The following NKX2-1 variants were observed in gnomAD, a reference collection of about 807,000 sequenced individuals.
NKX2-1 encodes the protein NK2 homeobox 1.
A neutral mutation model predicts 35.1 loss-of-function variants in NKX2-1; 9 were observed. The observed-to-expected ratio is 0.26, with a 90% CI of 0.15 to 0.45. The LOEUF (loss-of-function observed/expected upper bound fraction) is 0.45, where lower values mean the gene tolerates loss of function less well. NKX2-1 is among the 20% of genes least tolerant of loss of function. The pLI is 1.00. For missense variants in NKX2-1, 509 were observed against 589.1 expected, an observed-to-expected ratio of 0.86 and a Z score of 1.41; for synonymous variants, 284 against 269.9, an observed-to-expected ratio of 1.05 and a Z score of -0.51.
Position 36,517,848 on chromosome 14 carries a change from T to C in NKX2-1, c.636A>G (p.Gln212=). 6.2e-7 allele frequency: 1 copy of C among 1,612,612 alleles called. No individual in the cohort carries two copies. The highest frequency in any genetic ancestry group is 8.5e-7 in the Non-Finnish European group (1 of 1,179,540). The change falls in exon 3 of 3, where the codon CAA becomes CAG. Residue 212 remains glutamine, a synonymous_variant. Transcript: ENST00000354822. ...QVYELERRFK[Q]QKYLSAPERE... is the part of the protein sequence containing the mutation. The stretch of plus-strand genomic sequence containing the variant: ...GCTCCGGCGCCGACAGGTACTTCTG[T>C]TGCTTGAAGCGTCGCTCCAGCTCGT...
At chr14:36,519,652 G>T (rs1881253702) in intron 1 of NKX2-1, 1 of 1,525,442 alleles carries the variant, frequency 6.6e-7, no homozygotes, top group African/African-American at 1.4e-5. Flanking sequence ...TCTTGCCCGA[G>T]ATAATTAGCT....
rs1463513343 is a variant in NKX2-1 at position 36,517,029 on chromosome 14, A to C, written c.*249T>G. The stretch of plus-strand genomic sequence containing the variant: ...CCCTTCTCTGCTTAAAGATTCCTTG[A>C]GATTGGATGCGCTTGGTTGTTTTTC... On this transcript the variant is annotated 3_prime_UTR_variant, in exon 3 of 3. Transcript: ENST00000354822. 1 of 691,786 alleles carries C rather than the reference A, an allele frequency of 1.4e-6. No homozygotes were observed. Among genetic ancestry groups the C allele is most frequent in the South Asian group, 2.0e-5 (1 of 49,446 alleles). 42.9% of individuals were successfully genotyped at this position (691,786 alleles called of 1,614,324 possible). A position where few individuals can be genotyped will look rare whatever the true frequency, so the allele number is the denominator to read the frequency against.
At position 36,517,263 on chromosome 14, in the gene NKX2-1, C is replaced by T. The variant is rs981342914; in HGVS notation, c.*15G>A. On this transcript the variant is annotated 3_prime_UTR_variant, in exon 3 of 3. Transcript: ENST00000354822. ...GTGAGGCAGAGCGCTGGGCTAGGGC[C>T]GGCCCGGCGTCCTCTCACCAGGTCC... 5 of 1,592,926 alleles carry T rather than the reference C, an allele frequency of 3.1e-6. No individual in the cohort carries two copies. The East Asian group carries it at 6.8e-5, about 22-fold the overall frequency.
Position 36,517,863 on chromosome 14 carries a change from C to T in NKX2-1, c.621G>A (p.Glu207=), listed in dbSNP as rs1438796223. ...LFSQAQVYEL[E]RRFKQQKYLS... Reference sequence around the variant, plus strand: ...GGTACTTCTGTTGCTTGAAGCGTCGCTCCAGCTCGTACACCTGCGCCTGCG... The same window carrying T: ...GGTACTTCTGTTGCTTGAAGCGTCGTTCCAGCTCGTACACCTGCGCCTGCG... Residue 207 remains glutamate (E), a synonymous_variant, in exon 3 of 3, where the codon GAG becomes GAA. Transcript: ENST00000354822. 2 of 1,612,252 alleles carry T rather than the reference C, an allele frequency of 1.2e-6. No homozygotes were observed. The highest frequency in any genetic ancestry group is 1.7e-6 in the Non-Finnish European group (2 of 1,179,398).
chr14:36,519,604 G>T (rs1455806338), intron 1 of NKX2-1: 2 of 1,533,226 alleles, frequency 1.3e-6, no homozygotes, highest in Non-Finnish European at 1.7e-6. Context: ...CAGAGGCGGG[G>T]CGTAAGCGCT....
chr14:36,520,164 A>G lies in NKX2-1; in HGVS notation c.-35T>C, dbSNP rs1478574936. The G allele has an allele frequency of 1.2e-6, 2 of 1,610,584 alleles. No homozygotes were observed. Among genetic ancestry groups the G allele is most frequent in the Non-Finnish European group, 1.7e-6 (2 of 1,179,254 alleles). On this transcript the variant is annotated 5_prime_UTR_variant, in exon 1 of 3. Coordinates refer to ENST00000354822, the MANE Select transcript of NKX2-1 (RefSeq NM_001079668.3). ...CTGCGCTGAGCCCCAGTCGCCAACA[A>G]ATGAGCGAGCGAGTCTGGGGACGAA...
In NKX2-1 at chr14:36,517,044, G is replaced by T. The variant is rs1269708194; in HGVS notation, c.*234C>A. 3 of 787,962 alleles carry T rather than the reference G, an allele frequency of 3.8e-6. No individual in the cohort carries two copies. Among genetic ancestry groups the T allele is most frequent in the Non-Finnish European group, 5.7e-6 (3 of 523,084 alleles). The allele number at this position is 787,962 out of a possible 1,614,324, so 48.8% of individuals were successfully genotyped here. On this transcript the variant is annotated 3_prime_UTR_variant, in exon 3 of 3. Coordinates refer to ENST00000354822, the MANE Select transcript of NKX2-1 (RefSeq NM_001079668.3). ...AGATTCCTTGAGATTGGATGCGCTT[G>T]GTTGTTTTTCATTTTCTTTTTTTAA...
chr14:36,518,623 C>A (rs1183264502), intron 2 of NKX2-1, among the ~76,000 whole-genome samples: 1 of 152,152 alleles, frequency 6.6e-6, no homozygotes, highest in Non-Finnish European at 1.5e-5. Flanking sequence ...AGGGCAGCCT[C>A]CCTCCTGGCC....
In NKX2-1 at chr14:36,517,646, C is replaced by A; in HGVS notation, c.838G>T (p.Ala280Ser). 1 of 1,544,936 alleles carries A rather than the reference C, an allele frequency of 6.5e-7. No individual in the cohort carries two copies. The highest frequency in any genetic ancestry group is 8.7e-7 in the Non-Finnish European group (1 of 1,146,380). The change falls in exon 3 of 3, where the codon GCT becomes TCT. Residue 280 changes from alanine (A) to serine (S), a missense_variant. By Grantham distance (99) the Ala-to-Ser change is moderately conservative. This residue lies in a region of NKX2-1 where 212 missense variants were observed against 227.7 expected (regional missense o/e 0.93). Transcript: ENST00000354822. ...ACGCGTCGCGGCGACTGCTGCTGAG[C>A]CTGTTGCTGCTGCGGGCACCCGGTG... ...GGTGCPQQQQ[A>S]QQQSPRRVAV...
chr14:36,517,385 G>T lies in NKX2-1; in HGVS notation c.1099C>A (p.Pro367Thr), dbSNP rs1047269941. Reference protein sequence around the residue: ...SPDLAHHAASPAALQGQVSSL... With the variant: ...SPDLAHHAASTAALQGQVSSL... ...GATACCTGGCCCTGCAGCGCCGCGG[G>T]GCTGGCGGCGTGGTGCGCCAGGTCC... The change falls in exon 3 of 3, where the codon CCC (proline) becomes ACC (threonine). Residue 367 changes from proline to threonine, a missense_variant. By Grantham distance (38) the Pro-to-Thr change is conservative. This residue lies in a region of NKX2-1 where 212 missense variants were observed against 227.7 expected (regional missense o/e 0.93). Coordinates refer to ENST00000354822, the MANE Select transcript of NKX2-1 (RefSeq NM_001079668.3). The T allele has an allele frequency of 6.2e-7, 1 of 1,602,416 alleles. No individual in the cohort carries two copies. Among genetic ancestry groups the T allele is most frequent in the Admixed American group, 1.7e-5 (1 of 58,402 alleles).
rs1056278652 is a variant in NKX2-1 at position 36,516,547 on chromosome 14, A to T, written c.*731T>A. The T allele has an allele frequency of 8.6e-6, 2 of 233,238 alleles. No individual in the cohort carries two copies. The highest frequency in any genetic ancestry group is 1.2e-4 in the East Asian group (2 of 16,528). The allele number at this position is 233,238 out of a possible 1,614,324, so 14.4% of individuals were successfully genotyped here. ...CCAAATAATATACACAGATTTGTCA[A>T]TGCCCATAAAAAATGTGAAGGGCTG... On this transcript the variant is annotated 3_prime_UTR_variant, in exon 3 of 3. Transcript: ENST00000354822.
At chr14:36,518,904 C>A (rs1881195245) in intron 2 of NKX2-1, 81 bp downstream of exon 2, 5 of 1,387,918 alleles carry the variant, frequency 3.6e-6, no homozygotes. Context: ...GCGCAGCCTG[C>A]CGGCGCCGCG....
Position 36,519,296 on chromosome 14 carries a change from T to A in NKX2-1, c.152A>T (p.Glu51Val). The change falls in exon 2 of 3, where the codon GAG becomes GTG. Residue 51 changes from glutamate to valine, a missense_variant. This residue lies in a region of NKX2-1 where 271 missense variants were observed against 284.1 expected (regional missense o/e 0.95). Transcript: ENST00000354822. ...FSVSDILSPLEESYKKVGMEG... is the reference protein window; with the variant it reads ...FSVSDILSPLVESYKKVGMEG... ...CATGCCCACTTTCTTGTAGCTTTCC[T>A]CCAGGGGACTCAAGATGTCAGACAC... The A allele has an allele frequency of 1.2e-6, 2 of 1,612,998 alleles. No homozygotes were observed. Among genetic ancestry groups the A allele is most frequent in the Non-Finnish European group, 1.7e-6 (2 of 1,179,992 alleles).
intron 2 of NKX2-1, 79 bp from the exon 3 acceptor site, chr14:36,518,099 C>T (rs1203024007): frequency 1.9e-6 from 3 of 1,545,788 alleles, no homozygotes; most frequent in African/African-American, 2.7e-5. Flanking sequence ...ATTGGCCCGC[C>T]CGGCCCGCCC....
chr14:36,517,886 G>T lies in NKX2-1; in HGVS notation c.598C>A (p.Gln200Lys), dbSNP rs1229650719. 6.2e-7 allele frequency: 1 copy of T among 1,611,284 alleles called. No individual in the cohort carries two copies. Reference protein sequence around the residue: ...PRRKRRVLFSQAQVYELERRF... With the variant: ...PRRKRRVLFSKAQVYELERRF... ...CGCTCCAGCTCGTACACCTGCGCCT[G>T]CGAGAAGAGCACCCGGCGCTTCCTG... Residue 200 changes from glutamine to lysine, a missense_variant, in exon 3 of 3, where the codon CAG becomes AAG. Gln to Lys is a moderately conservative substitution (Grantham distance 53). Coordinates refer to ENST00000354822, the MANE Select transcript of NKX2-1 (RefSeq NM_001079668.3).
rs200871832 is a variant in NKX2-1 at position 36,517,094 on chromosome 14, G to GTGGGGGC, written c.*183_*184insGCCCCCA. 9.0e-7 allele frequency: 1 copy of GTGGGGGC among 1,107,676 alleles called. No homozygotes were observed. Among genetic ancestry groups the GTGGGGGC allele is most frequent in the Non-Finnish European group, 1.2e-6 (1 of 830,914 alleles). The allele number at this position is 1,107,676 out of a possible 1,614,324, so 68.6% of individuals were successfully genotyped here. A position where few individuals can be genotyped will look rare whatever the true frequency, so the allele number is the denominator to read the frequency against. ...AAAAAAAAAACCCACAAATTTTAGG[G>GTGGGGGC]GGGGAAAAAAAGAAAGACGTCCAGC... On this transcript the variant is annotated 3_prime_UTR_variant, in exon 3 of 3. Coordinates refer to ENST00000354822, the MANE Select transcript of NKX2-1 (RefSeq NM_001079668.3).
rs1192373630 is a variant in NKX2-1 at position 36,516,720 on chromosome 14, C to A, written c.*558G>T. 4.3e-6 allele frequency: 1 copy of A among 232,928 alleles called. No homozygotes were observed. Among genetic ancestry groups the A allele is most frequent in the African/African-American group, 2.2e-5 (1 of 45,220 alleles). The allele number at this position is 232,928 out of a possible 1,614,324, so 14.4% of individuals were successfully genotyped here. On this transcript the variant is annotated 3_prime_UTR_variant, in exon 3 of 3. Transcript: ENST00000354822. ...GAGGGCGGTCGCCGCTGAGCCTAGG[C>A]GGCCAGAGGGTGCCGGGGAGGGGGC...
rs768690786 is a variant in NKX2-1 at position 36,520,132 on chromosome 14, G to T, written c.-3C>A. 1 of 1,612,940 alleles carries T rather than the reference G, an allele frequency of 6.2e-7. No homozygotes were observed. The highest frequency in any genetic ancestry group is 1.1e-5 in the South Asian group (1 of 91,052). On this transcript the variant is annotated 5_prime_UTR_variant, in exon 1 of 3. Transcript: ENST00000354822. Reference sequence around the variant, plus strand: ...TTCCCACTGCCTCCGGACCACATCGGGCTTCGCTGCGCTGAGCCCCAGTCG... The same window carrying T: ...TTCCCACTGCCTCCGGACCACATCGTGCTTCGCTGCGCTGAGCCCCAGTCG...
rs763299909 is a variant in NKX2-1, at chr14:36,517,978, C to T, written c.506G>A (p.Gly169Asp). 6.3e-7 allele frequency: 1 copy of T among 1,599,470 alleles called. No individual in the cohort carries two copies. The highest frequency in any genetic ancestry group is 8.5e-7 in the Non-Finnish European group (1 of 1,179,722). The change falls in exon 3 of 3, where the codon GGC (glycine) becomes GAC (aspartate). Residue 169 changes from glycine (G) to aspartate (D), a missense_variant. Gly to Asp is a moderately conservative substitution (Grantham distance 94). Coordinates refer to ENST00000354822, the MANE Select transcript of NKX2-1 (RefSeq NM_001079668.3). ...MGPASGMNMS[G>D]MGGLGSLGDV... ...CCCCAGCGAGCCCAGGCCGCCCATG[C>T]CGCTCATGTTCATGCCGCTCGCCGG...
Sources: gnomAD v4.1 joint callset for allele counts (sites outside exome capture counted in the v4.1 genomes callset) on GRCh38, gnomAD v4.1.1 for gene constraint, gnomAD v4.1.1 regional missense constraint, MANE v1.5 for transcripts, NCBI Gene and HGNC (gene_info 2026-07-23, HGNC 2026-07-21) for gene names.